Variants in ATXN10 observed in about 807,000 individuals in gnomAD.
ATXN10 encodes ataxin-10.
A neutral mutation model predicts 52.9 loss-of-function variants in ATXN10; 28 were observed. The observed-to-expected ratio is 0.53, with a 90% CI of 0.39 to 0.73. ATXN10 has a LOEUF of 0.73. Ranked by LOEUF, ATXN10 falls within the 30% of genes least tolerant of loss-of-function variation. The probability of loss-of-function intolerance (pLI) is 0.00; values close to 1 mark genes in which losing one functional copy is unlikely to be tolerated. For synonymous variants in ATXN10, 226 were observed against 221.5 expected, an observed-to-expected ratio of 1.02 and a Z score of -0.18; for missense variants, 565 against 577.0, an observed-to-expected ratio of 0.98 and a Z score of 0.21.
In ATXN10 at chr22:45,728,769, A is replaced by T. The variant is rs1924973033; in HGVS notation, c.729-656A>T. Among the ~76,000 whole-genome samples the T allele has an allele frequency of 6.6e-6, 1 of 152,204 alleles. No individual in the cohort carries two copies. The highest frequency in any genetic ancestry group is 1.5e-5 in the Non-Finnish European group (1 of 68,028). Reference sequence around the variant, plus strand: ...AAAAGAAATATTTATTTGGTAACTTATATATTGATGTAAAAATGGCACAGT... The same window carrying T: ...AAAAGAAATATTTATTTGGTAACTTTTATATTGATGTAAAAATGGCACAGT... On this transcript the variant is annotated intron_variant, in intron 6 of 11. Transcript: ENST00000252934. This position sits in a 1 kb window ranked among gnomAD's most constrained non-coding sequence, Gnocchi z 4.3.
rs999707342 is a variant in ATXN10 at position 45,825,888 on chromosome 22, G to A, written c.1238-17103G>A. Among the ~76,000 whole-genome samples, 2 of 152,054 alleles carry A rather than the reference G, an allele frequency of 1.3e-5. No homozygotes were observed. The highest frequency in any genetic ancestry group is 2.9e-5 in the Non-Finnish European group (2 of 68,000). ...AGTTTGAGACCAGCCTGGTAACATG[G>A]CAAAACCCCATCTCTACAAAAATTA... On this transcript the variant is annotated intron_variant, in intron 10 of 11. Transcript: ENST00000252934. The surrounding 1 kb of genome is among the most constrained non-coding windows in gnomAD (Gnocchi z 4.5).
At chr22:45,810,493 A>G (rs998155011) in intron 10 of ATXN10, among the ~76,000 whole-genome samples, 1 of 152,242 alleles carries the variant, frequency 6.6e-6, no homozygotes, top group South Asian at 2.1e-4. Context: ...CACACACAGA[A>G]AACCTCGTTT....
intron 9 of ATXN10, among the ~76,000 whole-genome samples, chr22:45,788,800 A>G (rs1927406939): frequency 6.6e-6 from 1 of 151,876 alleles, no homozygotes; most frequent in African/African-American, 2.4e-5. Flanking sequence ...ACAGGCTCAC[A>G]CACCACACCC....
At position 45,708,276 on chromosome 22, in the gene ATXN10, G is replaced by A. The variant is rs1176124912; in HGVS notation, c.647+5429G>A. 6.6e-6 allele frequency among the ~76,000 whole-genome samples: 1 copy of A among 152,170 alleles called. No individual in the cohort carries two copies. The highest frequency in any genetic ancestry group is 2.4e-5 in the African/African-American group (1 of 41,434). On this transcript the variant is annotated intron_variant, in intron 5 of 11. Transcript: ENST00000252934. This position sits in a 1 kb window ranked among gnomAD's most constrained non-coding sequence, Gnocchi z 5.3. ...CTAAATCTGAAAGTCCAGTAAATGT[G>A]CACTGGTAGGTTAGGTCAGTCAGTG...
At chr22:45,777,010 A>G (rs1211831719) in intron 9 of ATXN10, among the ~76,000 whole-genome samples, 2 of 152,262 alleles carry the variant, frequency 1.3e-5, no homozygotes, top group African/African-American at 2.4e-5. Context: ...ATAGTGGACA[A>G]CGATGAACTT....
chr22:45,817,479 G>A (rs1189645693), intron 10 of ATXN10, among the ~76,000 whole-genome samples: 2 of 151,974 alleles, frequency 1.3e-5, no homozygotes, highest in Admixed American at 6.6e-5. Flanking sequence ...CCCATGCCAC[G>A]ACGCCTGGCT....
chr22:45,734,346 CT>C, intron 7 of ATXN10: 1 of 227,826 alleles, frequency 4.4e-6, no homozygotes, highest in South Asian at 4.8e-5. Flanking sequence ...TATTAGGTTA[CT>C]CTTTAAAATG....
intron 10 of ATXN10, among the ~76,000 whole-genome samples, chr22:45,817,163 C>T (rs1261774738): frequency 6.6e-6 from 1 of 152,148 alleles, no homozygotes; most frequent in Non-Finnish European, 1.5e-5. Context: ...GCCTTTCTTC[C>T]TCTGGAGGGG....
intron 1 of ATXN10, chr22:45,674,425 G>A (rs1922600855): frequency 6.6e-6 from 1 of 152,252 alleles, no homozygotes; most frequent in Non-Finnish European, 1.5e-5. Flanking sequence ...TCATGATCAG[G>A]GTTTATAAGG....
Position 45,805,047 on chromosome 22 carries a change from C to G in ATXN10, c.1174-1912C>G, listed in dbSNP as rs1051623318. 6.6e-6 allele frequency among the ~76,000 whole-genome samples: 1 copy of G among 152,122 alleles called. No homozygotes were observed. Among genetic ancestry groups the G allele is most frequent in the Non-Finnish European group, 1.5e-5 (1 of 68,028 alleles). The stretch of plus-strand genomic sequence containing the variant: ...ATATAGCAGTCTACTGTGTTTGTAC[C>G]GTAGTTTATGTAAGCAACCCCCATT... On this transcript the variant is annotated intron_variant, in intron 9 of 11. Coordinates refer to ENST00000252934, the MANE Select transcript of ATXN10 (RefSeq NM_013236.4). The surrounding 1 kb of genome is among the most constrained non-coding windows in gnomAD (Gnocchi z 4.4).
intron 9 of ATXN10, among the ~76,000 whole-genome samples, chr22:45,745,169 T>G (rs1014635937): frequency 3.3e-5 from 5 of 152,132 alleles, no homozygotes; most frequent in Admixed American, 2.6e-4. Flanking sequence ...TTCTTCAGCT[T>G]CTTCTTTGTT....
At position 45,843,769 on chromosome 22, in the gene ATXN10, T is replaced by C. The variant is rs1929424788; in HGVS notation, c.*98T>C. ...TTGCAAGTGTTTGAAGATTTATAAG[T>C]ACAAATTTGGGAACATACAAATCTT... On this transcript the variant is annotated 3_prime_UTR_variant, in exon 12 of 12. Transcript: ENST00000252934. This position sits in a 1 kb window ranked among gnomAD's most constrained non-coding sequence, Gnocchi z 4.5. 3.2e-6 allele frequency: 4 copies of C among 1,242,678 alleles called. No homozygotes were observed. In the East Asian group the frequency reaches 9.6e-5, roughly 30 times the overall value. The allele number at this position is 1,242,678 out of a possible 1,614,324, so 77.0% of individuals were successfully genotyped here. A position where few individuals can be genotyped will look rare whatever the true frequency, so the allele number is the denominator to read the frequency against.
rs1216020189 is a variant in ATXN10 at position 45,843,649 on chromosome 22, G to C, written c.1426-20G>C. 1 of 1,611,338 alleles carries C rather than the reference G, an allele frequency of 6.2e-7. No homozygotes were observed. The highest frequency in any genetic ancestry group is 1.1e-5 in the South Asian group (1 of 90,710). On this transcript the variant is annotated intron_variant, in intron 11 of 11. Coordinates refer to ENST00000252934, the MANE Select transcript of ATXN10 (RefSeq NM_013236.4). This position sits in a 1 kb window ranked among gnomAD's most constrained non-coding sequence, Gnocchi z 4.5. ...ACAGATTTGCTACATCTGCAATTTT[G>C]TTTCTTTCTTCTTCTTTAGTGAATG... is the stretch of plus-strand genomic sequence containing the variant.
At chr22:45,807,105 G>C in intron 10 of ATXN10, 83 bp downstream of exon 10, 1 of 1,095,048 alleles carries the variant, frequency 9.1e-7, no homozygotes, top group Non-Finnish European at 1.4e-6. Context: ...TGTTCATTCA[G>C]TATGTAGCTG....
intron 9 of ATXN10, among the ~76,000 whole-genome samples, chr22:45,741,982 G>A (rs1348952664): frequency 6.6e-6 from 1 of 152,056 alleles, no homozygotes; most frequent in African/African-American, 2.4e-5. Flanking sequence ...GGAAAGTGAG[G>A]GGGGAATTGT....
At chr22:45,716,915 A>T (rs1924470547) in intron 5 of ATXN10, among the ~76,000 whole-genome samples, 1 of 152,174 alleles carries the variant, frequency 6.6e-6, no homozygotes, top group African/African-American at 2.4e-5. Context: ...GTCTTCAATA[A>T]ACTCAAACCT....
rs888613274 is a variant in ATXN10, at chr22:45,681,029, T to C, written c.117-8683T>C. Among the ~76,000 whole-genome samples, 3 of 152,160 alleles carry C rather than the reference T, an allele frequency of 2.0e-5. No individual in the cohort carries two copies. The highest frequency in any genetic ancestry group is 7.2e-5 in the African/African-American group (3 of 41,432). On this transcript the variant is annotated intron_variant, in intron 1 of 11. Transcript: ENST00000252934. The surrounding 1 kb of genome is among the most constrained non-coding windows in gnomAD (Gnocchi z 4.2). The stretch of plus-strand genomic sequence containing the variant: ...TGTCATTGCTGCTTTCAGACCTTTT[T>C]CCTCCATAGACCACTCCAACTTTTA...
intron 9 of ATXN10, chr22:45,740,741 T>C (rs1412931546): frequency 2.0e-4 from 65 of 322,962 alleles, no homozygotes; most frequent in African/African-American, 7.1e-4. Flanking sequence ...CACACACACG[T>C]GTGTGTGTGT....
intron 1 of ATXN10, chr22:45,680,021 T>G (rs1922856595): frequency 6.6e-6 from 1 of 152,212 alleles, no homozygotes; most frequent in Non-Finnish European, 1.5e-5. Flanking sequence ...TTTGTAGTGG[T>G]CACTGGACCC....
Sources: allele counts gnomAD v4.1 joint callset (sites outside exome capture counted in the v4.1 genomes callset), GRCh38; gene constraint gnomAD v4.1.1; non-coding constraint Gnocchi (gnomAD v3.1); transcripts MANE v1.5; gene names NCBI Gene and HGNC (gene_info 2026-07-23, HGNC 2026-07-21).